The following AIG1 variants were observed in gnomAD, a reference collection of about 807,000 sequenced individuals.
The protein encoded by AIG1 is androgen induced 1, also known as androgen-induced gene 1 protein.
A neutral mutation model predicts 31.4 loss-of-function variants in AIG1; 23 were observed. The observed-to-expected ratio is 0.73, with a 90% confidence interval of 0.53 to 1.04. The LOEUF is 1.04. Ranked by LOEUF, AIG1 falls within the 50% of genes least tolerant of loss-of-function variation. The probability of loss-of-function intolerance (pLI) is 0.00; values close to 1 mark genes in which losing one functional copy is unlikely to be tolerated. For synonymous variants in AIG1, 100 were observed against 110.5 expected, an observed-to-expected ratio of 0.90 and a Z score of 0.60; for missense variants, 274 against 295.0, an observed-to-expected ratio of 0.93 and a Z score of 0.52.
upstream of AIG1, chr6:143,060,753 G>C (rs1776145767): frequency 9.9e-6 from 2 of 202,030 alleles, no homozygotes; most frequent in Non-Finnish European, 2.0e-5. Context: ...CCGGGCGCTC[G>C]CGGCCGCGCC....
At chr6:143,261,759 TAA>T in intron 3 of AIG1, among the ~76,000 whole-genome samples, 1 of 152,298 alleles carries the variant, frequency 6.6e-6, no homozygotes, top group East Asian at 1.9e-4. Context: ...CTCATAAACT[TAA>T]AGAGTTACCA....
intron 2 of AIG1, among the ~76,000 whole-genome samples, chr6:143,149,160 C>T (rs941123466): frequency 1.3e-5 from 2 of 152,072 alleles, no homozygotes; most frequent in African/African-American, 4.8e-5. Flanking sequence ...CATTATATGC[C>T]TGATAGACAT....
intron 4 of AIG1, among the ~76,000 whole-genome samples, chr6:143,287,545 G>GT (rs1388055330): frequency 6.6e-6 from 1 of 152,052 alleles, no homozygotes; most frequent in Non-Finnish European, 1.5e-5. Flanking sequence ...AACATAGTGA[G>GT]TTTTTTATTT....
chr6:143,079,415 C>T (rs891044289), intron 1 of AIG1, among the ~76,000 whole-genome samples: 1 of 152,074 alleles, frequency 6.6e-6, no homozygotes, highest in African/African-American at 2.4e-5. Flanking sequence ...AAACTGTACC[C>T]TTATGGGTCC....
chr6:143,203,320 T>G (rs942906539), intron 3 of AIG1, among the ~76,000 whole-genome samples: 20 of 152,330 alleles, frequency 1.3e-4, no homozygotes, highest in African/African-American at 4.6e-4. Flanking sequence ...CACACTGTTT[T>G]GTACTGTTCT....
At chr6:143,149,670 G>T (rs1785028051) in intron 2 of AIG1, among the ~76,000 whole-genome samples, 1 of 151,136 alleles carries the variant, frequency 6.6e-6, no homozygotes. Context: ...GTTTCCCTTT[G>T]ATACACTGTT....
rs192244875 is a variant in AIG1 at position 143,328,108 on chromosome 6, C to T, written c.516-5174C>T. ...ATTAGTGGTAGGGTAGTGAAGGGTG[C>T]ACTGACAAAGGGAAGAGGAACAGCC... is the stretch of plus-strand genomic sequence containing the variant. On this transcript the variant is annotated intron_variant, in intron 4 of 5. Coordinates refer to ENST00000357847, the MANE Select transcript of AIG1 (RefSeq NM_016108.4). The surrounding 1 kb of genome is among the most constrained non-coding windows in gnomAD (Gnocchi z 4.0). Among the ~76,000 whole-genome samples the T allele has an allele frequency of 6.6e-6, 1 of 152,110 alleles. No individual in the cohort carries two copies. The highest frequency in any genetic ancestry group is 2.4e-5 in the African/African-American group (1 of 41,406).
rs568418597 is a variant in AIG1 at position 143,081,072 on chromosome 6, G to A, written c.141+20006G>A. 2.0e-5 allele frequency among the ~76,000 whole-genome samples: 3 copies of A among 152,268 alleles called. 1 individual carries two copies. The East Asian group carries it at 5.8e-4, about 29-fold the overall frequency. ...AAGCACAAGGTCATTGGTTAGGAAG[G>A]GCTGTCCATACAGCATCTCATATGG... is the stretch of plus-strand genomic sequence containing the variant. On this transcript the variant is annotated intron_variant, in intron 1 of 5. Coordinates refer to ENST00000357847, the MANE Select transcript of AIG1 (RefSeq NM_016108.4).
intron 4 of AIG1, among the ~76,000 whole-genome samples, chr6:143,309,643 G>C (rs1383225086): frequency 6.6e-6 from 1 of 151,890 alleles, no homozygotes; most frequent in Non-Finnish European, 1.5e-5. Context: ...TATTAATCCA[G>C]CTATATCAAT....
chr6:143,189,556 A>G (rs1789596839), intron 3 of AIG1: 1 of 985,428 alleles, frequency 1.0e-6, no homozygotes, highest in Middle Eastern at 5.2e-4. Context: ...AATTGCCTGT[A>G]TTTGGTAAGT....
At chr6:143,122,330 C>T (rs1194728068) in intron 1 of AIG1, among the ~76,000 whole-genome samples, 1 of 151,870 alleles carries the variant, frequency 6.6e-6, no homozygotes, top group Non-Finnish European at 1.5e-5. Context: ...TTGTTCTGTC[C>T]ATGTACAACT....
chr6:143,187,787 T>G lies in AIG1; in HGVS notation c.399+22604T>G, dbSNP rs1042088619. ...ACAAGAAGGACATTTGGAAATGACC[T>G]TGAAGCGAAGTTTTGCCAAGTTGAT... On this transcript the variant is annotated intron_variant, in intron 3 of 5. Coordinates refer to ENST00000357847, the MANE Select transcript of AIG1 (RefSeq NM_016108.4). 6.0e-6 allele frequency: 9 copies of G among 1,505,984 alleles called. No individual in the cohort carries two copies. The African/African-American group carries it at 1.3e-4, about 21-fold the overall frequency. 93.3% of individuals were successfully genotyped at this position (1,505,984 alleles called of 1,614,324 possible). A position where few individuals can be genotyped will look rare whatever the true frequency, so the allele number is the denominator to read the frequency against.
Position 143,325,243 on chromosome 6 carries a change from G to C in AIG1, c.516-8039G>C, listed in dbSNP as rs1275451870. Among the ~76,000 whole-genome samples the C allele has an allele frequency of 6.6e-6, 1 of 151,978 alleles. No individual in the cohort carries two copies. Among genetic ancestry groups the C allele is most frequent in the East Asian group, 1.9e-4 (1 of 5,194 alleles). The stretch of plus-strand genomic sequence containing the variant: ...CCATCTTTCTTGATCTCCTTTTTAG[G>C]CTCATCATCCTTGACCTTATCCCTT... On this transcript the variant is annotated intron_variant, in intron 4 of 5. Transcript: ENST00000357847. The surrounding 1 kb of genome is among the most constrained non-coding windows in gnomAD (Gnocchi z 4.3).
intron 4 of AIG1, among the ~76,000 whole-genome samples, chr6:143,290,525 A>G (rs912225406): frequency 1.3e-5 from 2 of 152,180 alleles, no homozygotes; most frequent in African/African-American, 4.8e-5. Flanking sequence ...GGAAAGTCAT[A>G]TAACAATTAA....
At chr6:143,186,256 TAA>T (rs1789250487) in intron 3 of AIG1, among the ~76,000 whole-genome samples, 1 of 152,260 alleles carries the variant, frequency 6.6e-6, no homozygotes, top group Non-Finnish European at 1.5e-5. Context: ...CATATTTCAT[TAA>T]GTCACTGATA....
intron 4 of AIG1, among the ~76,000 whole-genome samples, chr6:143,305,529 G>A (rs1480056445): frequency 6.6e-6 from 1 of 152,138 alleles, no homozygotes; most frequent in African/African-American, 2.4e-5. Context: ...ATGTAGTTGA[G>A]TGATTTTGAG....
chr6:143,167,760 TA>T (rs2128568354), intron 3 of AIG1, among the ~76,000 whole-genome samples: 1 of 152,288 alleles, frequency 6.6e-6, no homozygotes, highest in South Asian at 2.1e-4. Flanking sequence ...AGAGAAAAGA[TA>T]AATTAGTTAA....
chr6:143,281,613 C>T (rs554697990), intron 3 of AIG1, among the ~76,000 whole-genome samples: 34 of 152,256 alleles, frequency 2.2e-4, no homozygotes, highest in African/African-American at 8.2e-4. Flanking sequence ...AGTTTTTTAC[C>T]ATTCTTTTAG....
rs569422669 is a variant in AIG1 at position 143,325,043 on chromosome 6, T to G, written c.516-8239T>G. ...CAACATCCAAAGTAGATTCGAATGT[T>G]GTACATACCACTTGGAATCTGAAAA... On this transcript the variant is annotated intron_variant, in intron 4 of 5. Transcript: ENST00000357847. The surrounding 1 kb of genome is among the most constrained non-coding windows in gnomAD (Gnocchi z 4.3). Among the ~76,000 whole-genome samples, 39 of 152,304 alleles carry G rather than the reference T, an allele frequency of 2.6e-4. No homozygotes were observed. Among genetic ancestry groups the G allele is most frequent in the South Asian group, 4.2e-4 (2 of 4,814 alleles).
Sources: allele counts gnomAD v4.1 joint callset (sites outside exome capture counted in the v4.1 genomes callset), GRCh38; gene constraint gnomAD v4.1.1; non-coding constraint Gnocchi (gnomAD v3.1); transcripts MANE v1.5; gene names NCBI Gene and HGNC (gene_info 2026-07-23, HGNC 2026-07-21).